Variants in GRIK4 observed in about 807,000 individuals in gnomAD.
GRIK4 encodes the protein glutamate receptor ionotropic, kainate 4.
Under a neutral mutation model 104.9 loss-of-function variants are expected in GRIK4, and 40 were observed. The observed-to-expected ratio is 0.38, with a 90% CI of 0.30 to 0.50. GRIK4 has a LOEUF of 0.50. Among genes scored for constraint, GRIK4 ranks in the 20% least tolerant of loss-of-function variants. The probability of loss-of-function intolerance (pLI) is 0.93; values close to 1 mark genes in which losing one functional copy is unlikely to be tolerated. For missense variants in GRIK4, 1,047 were observed against 1,308.1 expected, an observed-to-expected ratio of 0.80 and a Z score of 3.08; for synonymous variants, 485 against 524.9, an observed-to-expected ratio of 0.92 and a Z score of 1.04.
chr11:120,539,760 G>C (rs1224725354), intron 1 of GRIK4, among the ~76,000 whole-genome samples: 1 of 152,174 alleles, frequency 6.6e-6, no homozygotes, highest in African/African-American at 2.4e-5. Context: ...GGGCTGGACG[G>C]TGGGTTTCTG....
chr11:120,924,045 C>T (rs1351728609), intron 13 of GRIK4, among the ~76,000 whole-genome samples: 1 of 152,164 alleles, frequency 6.6e-6, no homozygotes, highest in Admixed American at 6.5e-5. Flanking sequence ...GCAAGTCTTC[C>T]CCCTGGGCTT....
At position 120,786,302 on chromosome 11, in the gene GRIK4, G is replaced by A. The variant is rs191927225; in HGVS notation, c.83-16391G>A. Reference sequence around the variant, plus strand: ...AAACCATACATGTCCAAATCCCATGGTCTGAAAACAGCATCTTACCCAATC... The same window carrying A: ...AAACCATACATGTCCAAATCCCATGATCTGAAAACAGCATCTTACCCAATC... On this transcript the variant is annotated intron_variant, in intron 3 of 20. Coordinates refer to ENST00000527524, the MANE Select transcript of GRIK4 (RefSeq NM_014619.5). Among the ~76,000 whole-genome samples the A allele has an allele frequency of 2.2e-3, 331 of 152,230 alleles. 2 individuals are homozygous for A. Among genetic ancestry groups the A allele is most frequent in the Non-Finnish European group, 5.9e-4 (40 of 67,998 alleles).
chr11:120,714,673 G>T (rs891828527), intron 3 of GRIK4, among the ~76,000 whole-genome samples: 1 of 152,224 alleles, frequency 6.6e-6, no homozygotes, highest in Non-Finnish European at 1.5e-5. Context: ...AATGACTCAA[G>T]CTGAGACTGG....
At chr11:120,917,247 C>CAAAAAAAAAAAAAAAAAAAAA (rs199620498) in intron 13 of GRIK4, among the ~76,000 whole-genome samples, 3 of 34,776 alleles carry the variant, frequency 8.6e-5, no homozygotes, top group East Asian at 1.1e-3. Context: ...AACTCCGTCT[C>CAAAAAAAAAAAAAAAAAAAAA]AAAAAAAAAA....
At chr11:120,969,813 A>G (rs1944444896) in intron 19 of GRIK4, among the ~76,000 whole-genome samples, 1 of 152,122 alleles carries the variant, frequency 6.6e-6, no homozygotes, top group Non-Finnish European at 1.5e-5. Context: ...CTGCTTATCA[A>G]TCCTTCCTCT....
chr11:120,596,576 A>G (rs1487050644), intron 1 of GRIK4, among the ~76,000 whole-genome samples: 1 of 152,076 alleles, frequency 6.6e-6, no homozygotes, highest in Non-Finnish European at 1.5e-5. Context: ...CTATGTGTCT[A>G]CGTTGAAGTC....
intron 1 of GRIK4, among the ~76,000 whole-genome samples, chr11:120,520,144 C>T (rs969728669): frequency 6.6e-6 from 1 of 152,132 alleles, no homozygotes; most frequent in African/African-American, 2.4e-5. Flanking sequence ...CCACCCGCCT[C>T]AGCCCCCCAA....
intron 3 of GRIK4, among the ~76,000 whole-genome samples, chr11:120,763,032 T>C (rs184307396): frequency 9.8e-5 from 15 of 152,324 alleles, no homozygotes; most frequent in Non-Finnish European, 2.2e-4. Flanking sequence ...CCAGCTCCTT[T>C]TTCTACCTCT....
chr11:120,855,564 C>CTTTTTTTTTTTTTTTTTT (rs10717552), intron 8 of GRIK4, among the ~76,000 whole-genome samples: 1 of 145,036 alleles, frequency 6.9e-6, no homozygotes. Flanking sequence ...CTTATGGTGA[C>CTTTTTTTTTTTTTTTTTT]TTTTTTTTTT....
chr11:120,827,094 C>T (rs541149592), intron 6 of GRIK4, among the ~76,000 whole-genome samples: 2 of 152,280 alleles, frequency 1.3e-5, no homozygotes, highest in South Asian at 2.1e-4. Context: ...AGTGCTGGTC[C>T]AGGACCAAGG....
intron 13 of GRIK4, among the ~76,000 whole-genome samples, chr11:120,934,374 TAGACCACTCCTCATGCCATTCTC>T (rs1943550325): frequency 6.6e-6 from 1 of 151,960 alleles, no homozygotes; most frequent in Non-Finnish European, 1.5e-5. Context: ...GTATTGCCGT[TAGACCACTCCTCATGCCATTCTC>T]AGGAAGCCCG....
rs116685283 is a variant in GRIK4 at position 120,899,049 on chromosome 11, C to A, written c.1272+410C>A. On this transcript the variant is annotated intron_variant, in intron 12 of 20. Transcript: ENST00000527524. ...GACCCTCCCCCACCACATCCTGAAG[C>A]GGACATGGGAATGTCAGTGGGTTTA... Among the ~76,000 whole-genome samples the A allele has an allele frequency of 2.0e-3, 301 of 152,260 alleles. 2 individuals are homozygous for A. Among genetic ancestry groups the A allele is most frequent in the African/African-American group, 7.0e-3 (291 of 41,556 alleles).
chr11:120,645,199 G>A (rs1162528122), intron 1 of GRIK4, among the ~76,000 whole-genome samples: 1 of 152,146 alleles, frequency 6.6e-6, no homozygotes. Context: ...GCAGCGTGAA[G>A]ATCTGTTTCT....
At chr11:120,609,582 T>A (rs11604139) in intron 1 of GRIK4, among the ~76,000 whole-genome samples, 48,381 of 125,602 alleles carry the variant, frequency 0.39, 10,269 homozygotes, top group Admixed American at 0.48. Flanking sequence ...GCTGGAGGTC[T>A]CGGTTCACTG....
At chr11:120,771,042 T>C (rs3133866) in intron 3 of GRIK4, among the ~76,000 whole-genome samples, 10,931 of 152,268 alleles carry the variant, frequency 0.072, 565 homozygotes, top group Non-Finnish European at 0.12. Flanking sequence ...AACAAATACC[T>C]AAAATGTGGA....
At chr11:120,599,179 C>T (rs949950137) in intron 1 of GRIK4, among the ~76,000 whole-genome samples, 4 of 152,218 alleles carry the variant, frequency 2.6e-5, no homozygotes, top group South Asian at 2.1e-4. Context: ...TTGTTTGATG[C>T]GTGTGTTGCT....
intron 3 of GRIK4, among the ~76,000 whole-genome samples, chr11:120,742,523 A>ATTTT (rs142502433): frequency 4.3e-5 from 5 of 115,706 alleles, no homozygotes; most frequent in African/African-American, 8.6e-5. Flanking sequence ...TATTATTATT[A>ATTTT]TTATTTTTTT....
At position 120,952,820 on chromosome 11, in the gene GRIK4, T is replaced by C. The variant is rs759936897; in HGVS notation, c.1591-35T>C. 3 of 1,422,774 alleles carry C rather than the reference T, an allele frequency of 2.1e-6. No individual in the cohort carries two copies. In the East Asian group the frequency reaches 6.8e-5, roughly 32 times the overall value. 88.1% of individuals were successfully genotyped at this position (1,422,774 alleles called of 1,614,324 possible). On this transcript the variant is annotated intron_variant, in intron 14 of 20. Coordinates refer to ENST00000527524, the MANE Select transcript of GRIK4 (RefSeq NM_014619.5). This position sits in a 1 kb window ranked among gnomAD's most constrained non-coding sequence, Gnocchi z 5.2. The stretch of plus-strand genomic sequence containing the variant: ...GCCCCAAGGTCATGTTGACTGAATA[T>C]GTGCGGTGAATCTTGTTTTTCTCTC...
intron 1 of GRIK4, among the ~76,000 whole-genome samples, chr11:120,520,716 G>A (rs1251387519): frequency 6.6e-6 from 1 of 152,212 alleles, no homozygotes; most frequent in Non-Finnish European, 1.5e-5. Flanking sequence ...AGAAGGAGTG[G>A]AATCTGACTG....
Sources: gnomAD v4.1 joint callset for allele counts (sites outside exome capture counted in the v4.1 genomes callset) on GRCh38, gnomAD v4.1.1 for gene constraint, Gnocchi (gnomAD v3.1) non-coding constraint, MANE v1.5 for transcripts, NCBI Gene and HGNC (gene_info 2026-07-23, HGNC 2026-07-21) for gene names.